Variants in MOK observed in about 807,000 individuals in gnomAD.
MOK encodes the protein MOK protein kinase.
Under a neutral mutation model 54.2 loss-of-function variants are expected in MOK, and 59 were observed. That is an observed-to-expected ratio of 1.09 (90% confidence interval 0.88 to 1.35). MOK has a LOEUF of 1.35. Among genes scored for constraint, MOK ranks in the 40% most tolerant of loss-of-function variants. The pLI, the probability that MOK is intolerant of heterozygous loss-of-function variation, is 0.00. For missense variants in MOK, 517 were observed against 526.2 expected (o/e 0.98, Z 0.17); for synonymous variants, 210 against 202.7 (o/e 1.04, Z -0.31).
rs1251663723 is a variant in MOK at position 102,231,593 on chromosome 14, T to G, written c.981+114A>C. On this transcript the variant is annotated intron_variant, in intron 10 of 11. Coordinates refer to ENST00000361847, the MANE Select transcript of MOK (RefSeq NM_014226.3). The surrounding 1 kb of genome is among the most constrained non-coding windows in gnomAD (Gnocchi z 4.4). Reference sequence around the variant, plus strand: ...ATGCTGTTCAGGCCTCGACTGACAATGTGGTCTGCCACAGCCTCCACAGGT... The same window carrying G: ...ATGCTGTTCAGGCCTCGACTGACAAGGTGGTCTGCCACAGCCTCCACAGGT... The G allele has an allele frequency of 1.2e-6, 1 of 847,176 alleles. No individual in the cohort carries two copies. Among genetic ancestry groups the G allele is most frequent in the Non-Finnish European group, 1.9e-6 (1 of 518,098 alleles). The allele number at this position is 847,176 out of a possible 1,614,324, so 52.5% of individuals were successfully genotyped here.
At position 102,235,903 on chromosome 14, in the gene MOK, G is replaced by A. The variant is rs2065179971; in HGVS notation, c.591-2114C>T. The stretch of plus-strand genomic sequence containing the variant: ...AAATAAATTAGATAAAGCCCAAAGA[G>A]ATCGTGCTAAATACCAGCTTCTAGC... On this transcript the variant is annotated intron_variant, in intron 7 of 11. Coordinates refer to ENST00000361847, the MANE Select transcript of MOK (RefSeq NM_014226.3). The surrounding 1 kb of genome is among the most constrained non-coding windows in gnomAD (Gnocchi z 4.4). 6.6e-6 allele frequency among the ~76,000 whole-genome samples: 1 copy of A among 152,062 alleles called. No homozygotes were observed. Among genetic ancestry groups the A allele is most frequent in the Admixed American group, 6.5e-5 (1 of 15,276 alleles).
downstream of MOK, chr14:102,225,048 T>C: frequency 3.1e-6 from 1 of 321,152 alleles, no homozygotes; most frequent in Non-Finnish European, 6.0e-6. Flanking sequence ...AGGAACTACT[T>C]TTGAAAATAA....
chr14:102,259,262 C>T (rs192387309), intron 4 of MOK, among the ~76,000 whole-genome samples: 3 of 152,206 alleles, frequency 2.0e-5, no homozygotes, highest in Admixed American at 2.0e-4. Context: ...CCTCAATATT[C>T]TAATAACCTG....
intron 4 of MOK, among the ~76,000 whole-genome samples, chr14:102,259,277 C>T (rs1032478230): frequency 6.6e-6 from 1 of 152,024 alleles, no homozygotes; most frequent in South Asian, 2.1e-4. Flanking sequence ...AACCTGAGAG[C>T]AGCAATTTAA....
rs536862898 is a variant in MOK at position 102,302,387 on chromosome 14, T to TTA, written c.7+2573_7+2574dup. ...TGCACCCGGCCCACAAATGTAAATT[T>TTA]TATATATATATACGCATATATACAT... On this transcript the variant is annotated intron_variant, in intron 1 of 11. Transcript: ENST00000361847. 1.9e-3 allele frequency among the ~76,000 whole-genome samples: 291 copies of TTA among 152,038 alleles called. 1 individual carries two copies. The highest frequency in any genetic ancestry group is 6.1e-3 in the African/African-American group (251 of 41,486).
chr14:102,222,611 G>C (rs1454447837), downstream of MOK, among the ~76,000 whole-genome samples: 1 of 152,304 alleles, frequency 6.6e-6, no homozygotes, highest in East Asian at 1.9e-4. This position sits in a 1 kb window ranked among gnomAD's most constrained non-coding sequence, Gnocchi z 4.4. Flanking sequence ...ACGGTATTGA[G>C]GCCACAGTAT....
At chr14:102,277,689 A>G (rs1444195774) in intron 2 of MOK, among the ~76,000 whole-genome samples, 1 of 152,152 alleles carries the variant, frequency 6.6e-6, no homozygotes, top group Non-Finnish European at 1.5e-5. Context: ...TGCTGAGTTA[A>G]AGGAGGTGGA....
chr14:102,283,186 G>T, intron 2 of MOK: 2 of 217,488 alleles, frequency 9.2e-6, no homozygotes, highest in African/African-American at 2.4e-5. Flanking sequence ...AAAAAAAAAA[G>T]AAATCCAACA....
intron 2 of MOK, among the ~76,000 whole-genome samples, chr14:102,272,173 C>G (rs1424991308): frequency 6.6e-6 from 1 of 152,136 alleles, no homozygotes; most frequent in African/African-American, 2.4e-5. Context: ...GCCTAACTCC[C>G]TAACAAAGAC....
Position 102,229,296 on chromosome 14 carries a change from C to T in MOK, c.1253G>A (p.Gly418Glu), listed in dbSNP as rs748441503. Reference sequence around the variant, plus strand: ...GACGACGGTGCTGCTCAGTTATCTTCCGCCTTTCCGCACTATGGTGGGCAG... The same window carrying T: ...GACGACGGTGCTGCTCAGTTATCTTTCGCCTTTCCGCACTATGGTGGGCAG... ...CRLPTIVRKG[G>E]R is the part of the protein sequence containing the mutation. Residue 418 changes from glycine to glutamate, a missense_variant, in exon 12 of 12, where the codon GGA becomes GAA. Gly to Glu is a moderately conservative substitution (Grantham distance 98). Transcript: ENST00000361847. 2.5e-6 allele frequency: 4 copies of T among 1,602,750 alleles called. No homozygotes were observed. The highest frequency in any genetic ancestry group is 3.4e-6 in the Non-Finnish European group (4 of 1,173,534).
At position 102,251,038 on chromosome 14, in the gene MOK, A is replaced by C. The variant is rs781529982; in HGVS notation, c.412-48T>G. On this transcript the variant is annotated intron_variant, in intron 6 of 11. Transcript: ENST00000361847. Reference sequence around the variant, plus strand: ...ACAAGTAACATCCCATTATGTGGCTATCATAATACAAACCACTCCAAATAT... The same window carrying C: ...ACAAGTAACATCCCATTATGTGGCTCTCATAATACAAACCACTCCAAATAT... 6 of 1,574,872 alleles carry C rather than the reference A, an allele frequency of 3.8e-6. No homozygotes were observed. In the South Asian group the frequency reaches 6.8e-5, roughly 18 times the overall value.
intron 1 of MOK, among the ~76,000 whole-genome samples, chr14:102,289,173 G>A (rs1056775031): frequency 6.6e-6 from 1 of 152,116 alleles, no homozygotes; most frequent in African/African-American, 2.4e-5. Flanking sequence ...CCAAAGTGCT[G>A]GGATTACAGG....
At chr14:102,260,329 A>G (rs1176931514) in intron 4 of MOK, among the ~76,000 whole-genome samples, 3 of 152,176 alleles carry the variant, frequency 2.0e-5, no homozygotes, top group African/African-American at 7.2e-5. Flanking sequence ...CTGGCGACAG[A>G]GTGAGACTCC....
intron 2 of MOK, among the ~76,000 whole-genome samples, chr14:102,268,867 A>C (rs1217237453): frequency 6.6e-6 from 1 of 151,684 alleles, no homozygotes; most frequent in Admixed American, 6.6e-5. Context: ...GTAAGCCGAA[A>C]TCACGCCACT....
At chr14:102,300,279 G>A (rs946453868) in intron 1 of MOK, among the ~76,000 whole-genome samples, 8 of 145,216 alleles carry the variant, frequency 5.5e-5, no homozygotes, top group African/African-American at 7.7e-5. Context: ...AGCCGAGATC[G>A]CGCCATTGGA....
At chr14:102,254,434 A>T (rs2066768735) in intron 4 of MOK, among the ~76,000 whole-genome samples, 1 of 152,214 alleles carries the variant, frequency 6.6e-6, no homozygotes, top group Non-Finnish European at 1.5e-5. Context: ...TATTAAATTA[A>T]TATCTATAAC....
intron 2 of MOK, among the ~76,000 whole-genome samples, chr14:102,281,512 A>AG (rs1296741443): frequency 2.7e-5 from 4 of 150,490 alleles, no homozygotes; most frequent in African/African-American, 4.9e-5. Flanking sequence ...AAAAAAAAAA[A>AG]AAAAGAAAAA....
At position 102,259,176 on chromosome 14, in the gene MOK, G is replaced by C. The variant is rs534412098; in HGVS notation, c.283+4370C>G. Among the ~76,000 whole-genome samples, 5 of 152,164 alleles carry C rather than the reference G, an allele frequency of 3.3e-5. No homozygotes were observed. The East Asian group carries it at 9.6e-4, about 29-fold the overall frequency. Reference sequence around the variant, plus strand: ...GCCAGACCTTGCACACTGCTGTAAAGTAGACAATTCAATAATGGCTATGTG... The same window carrying C: ...GCCAGACCTTGCACACTGCTGTAAACTAGACAATTCAATAATGGCTATGTG... On this transcript the variant is annotated intron_variant, in intron 4 of 11. Coordinates refer to ENST00000361847, the MANE Select transcript of MOK (RefSeq NM_014226.3).
chr14:102,219,671 G>A (rs1025888552), downstream of MOK, among the ~76,000 whole-genome samples: 4 of 152,238 alleles, frequency 2.6e-5, no homozygotes, highest in Non-Finnish European at 4.4e-5. Flanking sequence ...GTTTTTCACC[G>A]GTGGCCAACG....
Sources: allele counts gnomAD v4.1 joint callset (sites outside exome capture counted in the v4.1 genomes callset), GRCh38; gene constraint gnomAD v4.1.1; non-coding constraint Gnocchi (gnomAD v3.1); transcripts MANE v1.5; gene names NCBI Gene and HGNC (gene_info 2026-07-23, HGNC 2026-07-21).